Variants in TMEM163 observed in about 807,000 individuals in gnomAD.
The protein encoded by TMEM163 is transmembrane protein 163.
A neutral mutation model predicts 29.3 loss-of-function variants in TMEM163; 17 were observed. The observed-to-expected ratio is 0.58, with a 90% CI of 0.40 to 0.87. The LOEUF (loss-of-function observed/expected upper bound fraction) is 0.87. Among genes scored for constraint, TMEM163 ranks in the 40% least tolerant of loss-of-function variants. The pLI, the probability that TMEM163 is intolerant of heterozygous loss-of-function variation, is 0.00. For synonymous variants in TMEM163, 157 were observed against 160.6 expected (o/e 0.98, Z 0.17); for missense variants, 303 against 381.5 (o/e 0.79, Z 1.71).
At chr2:134,602,915 T>A (rs1399598839) in intron 2 of TMEM163, among the ~76,000 whole-genome samples, 1 of 152,206 alleles carries the variant, frequency 6.6e-6, no homozygotes, top group East Asian at 1.9e-4. Context: ...CTCCTGAGTC[T>A]ACCACCTGTA....
chr2:134,702,133 T>C (rs139822423), intron 2 of TMEM163, among the ~76,000 whole-genome samples: 1 of 152,052 alleles, frequency 6.6e-6, no homozygotes, highest in East Asian at 1.9e-4. Context: ...CACCCTACAG[T>C]GAACACTGCC....
intron 6 of TMEM163, among the ~76,000 whole-genome samples, chr2:134,465,102 A>G (rs1465464624): frequency 6.6e-6 from 1 of 151,636 alleles, no homozygotes; most frequent in Non-Finnish European, 1.5e-5. Flanking sequence ...CTGTAATCCC[A>G]GCACTTTGGG....
rs1684969081 is a variant in TMEM163 at position 134,713,319 on chromosome 2, C to A, written c.203G>T (p.Gly68Val). Residue 68 changes from glycine to valine, a missense_variant and splice_region_variant, in exon 2 of 8, where the codon GGC becomes GTC. Around this residue, in one of 2 missense-constraint regions of TMEM163, gnomAD observed 100 missense variants for 87.2 expected, o/e 1.15. Coordinates refer to ENST00000281924, the MANE Select transcript of TMEM163 (RefSeq NM_030923.5). ...GQFSDGLEDR[G>V]LLESSTRLKP... ...CAGGCGGGTGCTGCTTTCTAGTAAG[C>A]CTGACAAAAACAAGGAGAAAGGGAA... is the stretch of plus-strand genomic sequence containing the variant. 1 of 1,613,298 alleles carries A rather than the reference C, an allele frequency of 6.2e-7. No individual in the cohort carries two copies. Among genetic ancestry groups the A allele is most frequent in the African/African-American group, 1.3e-5 (1 of 74,936 alleles).
chr2:134,542,793 G>C (rs768850737), intron 4 of TMEM163, among the ~76,000 whole-genome samples: 3 of 152,096 alleles, frequency 2.0e-5, no homozygotes, highest in African/African-American at 7.2e-5. Context: ...TGTCTGCAGG[G>C]CCACCCTCCC....
At chr2:134,667,829 T>A (rs1477743327) in intron 2 of TMEM163, among the ~76,000 whole-genome samples, 2 of 152,150 alleles carry the variant, frequency 1.3e-5, no homozygotes, top group South Asian at 4.1e-4. Context: ...TCTCCTGAAA[T>A]AGGAAGAAAA....
intron 4 of TMEM163, among the ~76,000 whole-genome samples, chr2:134,520,468 T>C (rs974145779): frequency 2.0e-5 from 3 of 152,218 alleles, no homozygotes; most frequent in African/African-American, 7.2e-5. Context: ...GTGTCACTTC[T>C]CTATGCCATG....
chr2:134,579,296 T>A (rs1283314137), intron 2 of TMEM163, among the ~76,000 whole-genome samples: 2 of 152,194 alleles, frequency 1.3e-5, no homozygotes, highest in Non-Finnish European at 2.9e-5. Context: ...TTTCACGAAG[T>A]TCGTTTGTTT....
intron 5 of TMEM163, among the ~76,000 whole-genome samples, chr2:134,494,917 C>A (rs1010398924): frequency 6.6e-5 from 10 of 152,186 alleles, no homozygotes; most frequent in Admixed American, 5.9e-4. Context: ...AGACCCCCGG[C>A]AGACACGCTG....
intron 2 of TMEM163, among the ~76,000 whole-genome samples, chr2:134,615,357 G>A (rs1682586337): frequency 6.6e-6 from 1 of 152,200 alleles, no homozygotes; most frequent in Non-Finnish European, 1.5e-5. Flanking sequence ...AATAGTTTAT[G>A]TGGACAATGT....
intron 2 of TMEM163, among the ~76,000 whole-genome samples, chr2:134,618,938 A>G (rs985270308): frequency 6.6e-6 from 1 of 152,202 alleles, no homozygotes; most frequent in Non-Finnish European, 1.5e-5. Flanking sequence ...AAAGCACATT[A>G]AACCCAAAGT....
At chr2:134,487,821 T>C (rs935882388) in intron 5 of TMEM163, among the ~76,000 whole-genome samples, 6 of 152,124 alleles carry the variant, frequency 3.9e-5, no homozygotes, top group African/African-American at 1.4e-4. Flanking sequence ...AAAAACCAAA[T>C]TGGATCCCTA....
chr2:134,505,239 C>CA (rs373282805), intron 4 of TMEM163, among the ~76,000 whole-genome samples: 1 of 130,234 alleles, frequency 7.7e-6, no homozygotes, highest in Admixed American at 7.8e-5. Flanking sequence ...TGGGGAATTC[C>CA]TTTTTTTTTT....
chr2:134,477,831 G>A (rs1352892262), intron 5 of TMEM163, among the ~76,000 whole-genome samples: 3 of 152,214 alleles, frequency 2.0e-5, no homozygotes, highest in African/African-American at 7.2e-5. Flanking sequence ...CCACAGAGTG[G>A]TGAAGCTGTA....
rs371158830 is a variant in TMEM163 at position 134,613,721 on chromosome 2, TAA to T, written c.323-61632_323-61631del. On this transcript the variant is annotated intron_variant, in intron 2 of 7. Transcript: ENST00000281924. ...CAACAAGCAAATGGAAGCTGAAATT[TAA>T]AGAGGCAATACCATTTATAAATACT... Among the ~76,000 whole-genome samples, 1,459 of 152,182 alleles carry T rather than the reference TAA, an allele frequency of 9.6e-3. 23 individuals carry two copies. Among genetic ancestry groups the T allele is most frequent in the African/African-American group, 0.033 (1,376 of 41,538 alleles).
intron 4 of TMEM163, among the ~76,000 whole-genome samples, chr2:134,530,109 G>C (rs184162444): frequency 2.0e-5 from 3 of 152,156 alleles, no homozygotes; most frequent in Non-Finnish European, 1.5e-5. Flanking sequence ...GAGATATGTA[G>C]AGGCCGGGGA....
In TMEM163 at chr2:134,563,498, AT is replaced by A. The variant is rs1199163910; in HGVS notation, c.323-11408del. 2.0e-5 allele frequency among the ~76,000 whole-genome samples: 3 copies of A among 152,352 alleles called. No homozygotes were observed. The East Asian group carries it at 5.8e-4, about 29-fold the overall frequency. On this transcript the variant is annotated intron_variant, in intron 2 of 7. Transcript: ENST00000281924. ...ATTAGCCACAAACGAAGGAAATGTA[AT>A]TTTTAAAAGGCTCTATTCAAAACAA...
In TMEM163 at chr2:134,490,173, C is replaced by T. The variant is rs373760592; in HGVS notation, c.555+12728G>A. ...TCCAACAGTCTACATGAGGTGTCAT[C>T]GGAGCGCCACCAGCTGGGTGATGTT... is the stretch of plus-strand genomic sequence containing the variant. On this transcript the variant is annotated intron_variant, in intron 5 of 7. Coordinates refer to ENST00000281924, the MANE Select transcript of TMEM163 (RefSeq NM_030923.5). Among the ~76,000 whole-genome samples, 12 of 152,210 alleles carry T rather than the reference C, an allele frequency of 7.9e-5. No homozygotes were observed. The East Asian group carries it at 1.2e-3, about 15-fold the overall frequency.
At chr2:134,693,715 T>C (rs1684523405) in intron 2 of TMEM163, among the ~76,000 whole-genome samples, 1 of 151,412 alleles carries the variant, frequency 6.6e-6, no homozygotes, top group East Asian at 2.0e-4. Flanking sequence ...GTGAATTCCA[T>C]ACCTGTCAGA....
At position 134,668,540 on chromosome 2, in the gene TMEM163, G is replaced by T. The variant is rs189107105; in HGVS notation, c.322+44660C>A. ...AGAACACAGAGATTGTAAAAAAATG[G>T]GTTTTCTGCAGGAGGCAGAGGTTGC... On this transcript the variant is annotated intron_variant, in intron 2 of 7. Transcript: ENST00000281924. Among the ~76,000 whole-genome samples the T allele has an allele frequency of 1.7e-3, 256 of 151,910 alleles. 6 individuals carry two copies. The East Asian group carries it at 0.041, about 24-fold the overall frequency.
Sources: allele counts gnomAD v4.1 joint callset (sites outside exome capture counted in the v4.1 genomes callset), GRCh38; gene constraint gnomAD v4.1.1; regional missense constraint gnomAD v4.1.1; transcripts MANE v1.5; gene names NCBI Gene and HGNC (gene_info 2026-07-23, HGNC 2026-07-21).